MAPK10: variants seen among roughly 807,000 people sequenced by gnomAD.
The protein encoded by MAPK10 is mitogen-activated protein kinase 10, also known as JNK3 alpha protein kinase.
Under a neutral mutation model 59.3 loss-of-function variants are expected in MAPK10, and 25 were observed. That is an observed-to-expected ratio of 0.42 (90% CI 0.31 to 0.59). The LOEUF (loss-of-function observed/expected upper bound fraction) is 0.59. Among genes scored for constraint, MAPK10 ranks in the 20% least tolerant of loss-of-function variants. The probability of loss-of-function intolerance (pLI) is 0.15; values close to 1 mark genes in which losing one functional copy is unlikely to be tolerated. For synonymous variants in MAPK10, 190 were observed against 200.5 expected (o/e 0.95, Z 0.44); for missense variants, 351 against 568.9 (o/e 0.62, Z 3.90).
At chr4:86,220,170 A>G (rs1350273254) in intron 2 of MAPK10, among the ~76,000 whole-genome samples, 2 of 152,180 alleles carry the variant, frequency 1.3e-5, no homozygotes, top group Admixed American at 1.3e-4. Flanking sequence ...ATGTTAAGCT[A>G]TATAATCTTA....
chr4:86,191,251 T>G (rs142754501), intron 3 of MAPK10, among the ~76,000 whole-genome samples: 1,638 of 152,280 alleles, frequency 0.011, 35 homozygotes, highest in African/African-American at 0.036. Context: ...TCTGTAGATG[T>G]CTATTAGGTC....
At chr4:86,049,520 C>A (rs1326537540) in intron 11 of MAPK10, among the ~76,000 whole-genome samples, 1 of 152,032 alleles carries the variant, frequency 6.6e-6, no homozygotes, top group East Asian at 1.9e-4. Context: ...ATGATAGGAA[C>A]TGATAACATT....
At chr4:86,177,683 C>T (rs1353983814) in intron 3 of MAPK10, among the ~76,000 whole-genome samples, 5 of 151,978 alleles carry the variant, frequency 3.3e-5, no homozygotes, top group Non-Finnish European at 7.4e-5. Context: ...CTTCTTTTTA[C>T]AAATTCCCTT....
intron 1 of MAPK10, among the ~76,000 whole-genome samples, chr4:86,430,858 G>T (rs1747952659): frequency 6.6e-6 from 1 of 152,112 alleles, no homozygotes; most frequent in African/African-American, 2.4e-5. Flanking sequence ...AGTCAATATA[G>T]GACCTTACCC....
chr4:86,474,952 A>G (rs1166771183), intron 1 of MAPK10, among the ~76,000 whole-genome samples: 1 of 152,214 alleles, frequency 6.6e-6, no homozygotes, highest in Non-Finnish European at 1.5e-5. Context: ...GCCTTAAATG[A>G]TGACATTACC....
At chr4:86,297,750 T>TCC (rs67504227) in intron 2 of MAPK10, among the ~76,000 whole-genome samples, 2 of 24,682 alleles carry the variant, frequency 8.1e-5, no homozygotes, top group Non-Finnish European at 1.3e-4. Context: ...CTCTACTCTT[T>TCC]ACTCTAATTT....
intron 1 of MAPK10, among the ~76,000 whole-genome samples, chr4:86,436,948 C>T (rs552142670): frequency 6.6e-6 from 1 of 152,104 alleles, no homozygotes; most frequent in African/African-American, 2.4e-5. Flanking sequence ...CCTGGTGGCT[C>T]ATGCCTGTAA....
At chr4:86,287,504 AG>A (rs773384009) in intron 2 of MAPK10, among the ~76,000 whole-genome samples, 16 of 152,208 alleles carry the variant, frequency 1.1e-4, no homozygotes, top group Non-Finnish European at 2.1e-4. Context: ...CCATCGTTTT[AG>A]GAAAGAAATA....
intron 9 of MAPK10, among the ~76,000 whole-genome samples, chr4:86,073,911 C>T (rs1338899316): frequency 1.7e-4 from 19 of 114,360 alleles, no homozygotes; most frequent in South Asian, 8.7e-4. Flanking sequence ...CTATTAGGTC[C>T]GCTTGGTGCA....
intron 1 of MAPK10, among the ~76,000 whole-genome samples, chr4:86,449,857 A>C (rs751248231): frequency 6.6e-6 from 1 of 152,222 alleles, no homozygotes; most frequent in African/African-American, 2.4e-5. Context: ...TTGTAGGCGC[A>C]CAAAGGGCAG....
chr4:86,155,280 T>A (rs1198716329), intron 4 of MAPK10, among the ~76,000 whole-genome samples: 7 of 152,008 alleles, frequency 4.6e-5, no homozygotes, highest in Non-Finnish European at 8.8e-5. Context: ...CATAGTCTTG[T>A]TACTGTAGAC....
intron 1 of MAPK10, among the ~76,000 whole-genome samples, chr4:86,566,890 GA>G (rs1761098075): frequency 6.6e-6 from 1 of 151,912 alleles, no homozygotes; most frequent in South Asian, 2.1e-4. Context: ...GCAACATGGC[GA>G]AACCCCGTCT....
chr4:86,462,036 A>G (rs1751792766), intron 1 of MAPK10, among the ~76,000 whole-genome samples: 1 of 152,220 alleles, frequency 6.6e-6, no homozygotes, highest in Non-Finnish European at 1.5e-5. Flanking sequence ...AAACTGGGGC[A>G]TTTCCAGCTC....
At chr4:86,389,555 T>G (rs1052144795) in intron 1 of MAPK10, among the ~76,000 whole-genome samples, 2 of 152,188 alleles carry the variant, frequency 1.3e-5, no homozygotes, top group African/African-American at 4.8e-5. Context: ...CTTTACTGAC[T>G]GTTACTGTGA....
chr4:86,358,347 T>C, intron 1 of MAPK10: 1 of 985,456 alleles, frequency 1.0e-6, no homozygotes, highest in Non-Finnish European at 1.2e-6. Flanking sequence ...ATATTGGATG[T>C]TGTGCTGGCA....
intron 2 of MAPK10, among the ~76,000 whole-genome samples, chr4:86,336,865 G>A (rs578195904): frequency 3.8e-5 from 5 of 132,734 alleles, no homozygotes; most frequent in Admixed American, 9.4e-5. Flanking sequence ...ATCTCAGCTC[G>A]CTGCAAGCTC....
chr4:86,331,328 T>C (rs968348099), intron 2 of MAPK10, among the ~76,000 whole-genome samples: 1 of 152,156 alleles, frequency 6.6e-6, no homozygotes, highest in African/African-American at 2.4e-5. Flanking sequence ...GAAAGGAACA[T>C]ACATTTTCTC....
chr4:86,145,787 T>C (rs1296266847), intron 4 of MAPK10, among the ~76,000 whole-genome samples: 1 of 152,062 alleles, frequency 6.6e-6, no homozygotes, highest in African/African-American at 2.4e-5. Context: ...CTCTCTCTCT[T>C]TCTGTTTTTC....
chr4:86,120,805 G>C (rs750101793), intron 4 of MAPK10, among the ~76,000 whole-genome samples: 2 of 152,096 alleles, frequency 1.3e-5, no homozygotes, highest in Non-Finnish European at 2.9e-5. Context: ...AAATTAGACT[G>C]GCCAGCCCTG....
Sources: gnomAD v4.1 joint callset for allele counts (sites outside exome capture counted in the v4.1 genomes callset) on GRCh38, gnomAD v4.1.1 for gene constraint, MANE v1.5 for transcripts, NCBI Gene and HGNC (gene_info 2026-07-23, HGNC 2026-07-21) for gene names.